BCAR3: variants seen among roughly 807,000 people sequenced by gnomAD.
BCAR3 encodes BCAR3 adaptor protein, NSP family member, also known as breast cancer anti-estrogen resistance protein 3.
Under a neutral mutation model 80.1 loss-of-function variants are expected in BCAR3, and 37 were observed. That is an observed-to-expected ratio of 0.46 (90% CI 0.36 to 0.61). BCAR3 has a LOEUF of 0.61. Ranked by LOEUF, BCAR3 falls within the 20% of genes least tolerant of loss-of-function variation. The probability of loss-of-function intolerance (pLI) is 0.00; values close to 1 mark genes in which losing one functional copy is unlikely to be tolerated. For synonymous variants in BCAR3, 389 were observed against 418.9 expected, an observed-to-expected ratio of 0.93 and a Z score of 0.87; for missense variants, 978 against 1,068.2, an observed-to-expected ratio of 0.92 and a Z score of 1.18.
chr1:93,580,871 T>A (rs1000975027), intron 7 of BCAR3, among the ~76,000 whole-genome samples: 1 of 152,112 alleles, frequency 6.6e-6, no homozygotes, highest in African/African-American at 2.4e-5. Flanking sequence ...TACAAAAAAA[T>A]GGTGATGGGC....
chr1:93,581,299 T>C (rs1673696953), intron 7 of BCAR3, among the ~76,000 whole-genome samples: 1 of 152,248 alleles, frequency 6.6e-6, no homozygotes, highest in South Asian at 2.1e-4. Context: ...ATTATTTACA[T>C]GTATCCATTT....
chr1:93,617,759 C>T (rs1413030476), intron 3 of BCAR3, among the ~76,000 whole-genome samples: 1 of 152,168 alleles, frequency 6.6e-6, no homozygotes, highest in Non-Finnish European at 1.5e-5. Context: ...TTCCTGGTGC[C>T]CTGGGAAGTA....
At chr1:93,830,680 G>T (rs946401475) in intron 2 of BCAR3, among the ~76,000 whole-genome samples, 2 of 152,152 alleles carry the variant, frequency 1.3e-5, no homozygotes, top group Non-Finnish European at 2.9e-5. Flanking sequence ...CTGCACCCAT[G>T]TGACTAAAAA....
At chr1:93,798,745 T>A (rs1269885672) in intron 2 of BCAR3, among the ~76,000 whole-genome samples, 3 of 152,208 alleles carry the variant, frequency 2.0e-5, no homozygotes, top group Non-Finnish European at 4.4e-5. Context: ...TTTTCAAACT[T>A]ATCCTTTAGA....
intron 2 of BCAR3, among the ~76,000 whole-genome samples, chr1:93,826,590 GC>G (rs1214569521): frequency 1.3e-5 from 2 of 152,150 alleles, no homozygotes; most frequent in East Asian, 3.8e-4. Flanking sequence ...TCCTCATGCT[GC>G]CAGGTAGTTT....
intron 2 of BCAR3, among the ~76,000 whole-genome samples, chr1:93,669,712 G>A (rs569135788): frequency 6.6e-6 from 1 of 152,314 alleles, no homozygotes; most frequent in South Asian, 2.1e-4. Context: ...ACAGGAACCA[G>A]TCCCCTCTCA....
At chr1:93,591,105 A>G (rs902347218) in intron 4 of BCAR3, among the ~76,000 whole-genome samples, 2 of 150,988 alleles carry the variant, frequency 1.3e-5, no homozygotes, top group Non-Finnish European at 2.9e-5. Context: ...TCAATTTTAA[A>G]CTTAAAAAAA....
intron 2 of BCAR3, among the ~76,000 whole-genome samples, chr1:93,715,735 G>GT (rs1411055598): frequency 6.6e-6 from 1 of 152,208 alleles, no homozygotes; most frequent in Non-Finnish European, 1.5e-5. Flanking sequence ...CTTCCCTCAC[G>GT]TTATAGACAG....
At chr1:93,621,916 G>C (rs770021455) in intron 3 of BCAR3, among the ~76,000 whole-genome samples, 2 of 152,212 alleles carry the variant, frequency 1.3e-5, no homozygotes, top group Non-Finnish European at 2.9e-5. Flanking sequence ...CTGTCGCCCA[G>C]GCTGGAGGGC....
chr1:93,582,000 GGGA>G (rs953868460), intron 7 of BCAR3, among the ~76,000 whole-genome samples: 14 of 152,276 alleles, frequency 9.2e-5, no homozygotes, highest in African/African-American at 3.4e-4. Flanking sequence ...AGGGGTGGGT[GGGA>G]GAAGAGGGCG....
At chr1:93,835,710 C>T (rs1654739406) in intron 2 of BCAR3, among the ~76,000 whole-genome samples, 1 of 152,296 alleles carries the variant, frequency 6.6e-6, no homozygotes, top group African/African-American at 2.4e-5. Context: ...GTTCAGACCC[C>T]CTCCCTTCCC....
At chr1:93,651,644 T>C (rs1257476374) in intron 2 of BCAR3, among the ~76,000 whole-genome samples, 1 of 152,230 alleles carries the variant, frequency 6.6e-6, no homozygotes, top group South Asian at 2.1e-4. Context: ...CTGTATGTCC[T>C]GGTACAATGG....
chr1:93,562,386 C>G lies in BCAR3; in HGVS notation c.2333G>C (p.Cys778Ser), dbSNP rs1438891972. 1 of 1,613,940 alleles carries G rather than the reference C, an allele frequency of 6.2e-7. No homozygotes were observed. Residue 778 changes from cysteine to serine, a missense_variant, in exon 12 of 12, where the codon TGC becomes TCC. Coordinates refer to ENST00000260502, the MANE Select transcript of BCAR3 (RefSeq NM_003567.4). Reference protein sequence around the residue: ...FQPDEEMNEICKTEFQMRLLW... With the variant: ...FQPDEEMNEISKTEFQMRLLW... ...CAATCGCATTTGAAATTCAGTCTTG[C>G]AGATTTCATTCATTTCTTCATCTGG... is the stretch of plus-strand genomic sequence containing the variant.
intron 2 of BCAR3, among the ~76,000 whole-genome samples, chr1:93,650,606 G>A (rs1347208372): frequency 2.0e-5 from 3 of 152,122 alleles, no homozygotes; most frequent in East Asian, 3.9e-4. Flanking sequence ...GGATAGTTGT[G>A]GAGACAGAGC....
At chr1:93,616,832 T>C (rs1675144018) in intron 3 of BCAR3, among the ~76,000 whole-genome samples, 4 of 152,214 alleles carry the variant, frequency 2.6e-5, no homozygotes. Flanking sequence ...CTCTGAGCTC[T>C]GGAAAAGGTC....
intron 3 of BCAR3, among the ~76,000 whole-genome samples, chr1:93,636,586 A>T (rs545127234): frequency 3.1e-4 from 47 of 152,128 alleles, no homozygotes; most frequent in African/African-American, 1.1e-3. Context: ...GCATTCCAAT[A>T]TTTTTTTCTA....
intron 3 of BCAR3, among the ~76,000 whole-genome samples, chr1:93,604,938 C>A (rs1048484038): frequency 2.6e-5 from 4 of 152,198 alleles, no homozygotes; most frequent in African/African-American, 9.7e-5. Context: ...GTTTGCCCAT[C>A]ATGTTTCTTA....
rs370969599 is a variant in BCAR3 at position 93,614,302 on chromosome 1, T to G, written c.358-21909A>C. ...CCAGGCAGAAATCATTAGCAGCCCC[T>G]CTCCCCCGACCCAGAATTTCCTTCT... is the stretch of plus-strand genomic sequence containing the variant. On this transcript the variant is annotated intron_variant, in intron 3 of 11. Coordinates refer to ENST00000260502, the MANE Select transcript of BCAR3 (RefSeq NM_003567.4). 5.9e-4 allele frequency among the ~76,000 whole-genome samples: 89 copies of G among 152,124 alleles called. 3 individuals are homozygous for G. The South Asian group carries it at 0.019, about 32-fold the overall frequency.
At chr1:93,632,847 G>A (rs56369705) in intron 3 of BCAR3, among the ~76,000 whole-genome samples, 4,612 of 152,066 alleles carry the variant, frequency 0.03, 80 homozygotes, top group Middle Eastern at 0.054. Flanking sequence ...ATGAAACCCC[G>A]TCTCTAATAA....
Sources: gnomAD v4.1 joint callset for allele counts (sites outside exome capture counted in the v4.1 genomes callset) on GRCh38, gnomAD v4.1.1 for gene constraint, MANE v1.5 for transcripts, NCBI Gene and HGNC (gene_info 2026-07-23, HGNC 2026-07-21) for gene names.